Variants in NCOA2 observed in about 807,000 individuals in gnomAD.
NCOA2 encodes class E basic helix-loop-helix protein 75.
NCOA2 carries 21 observed loss-of-function variants against 145.1 expected under a neutral mutation model. The ratio of observed to expected loss-of-function variants is 0.14; its 90% CI spans 0.10 to 0.21. The LOEUF (loss-of-function observed/expected upper bound fraction) is 0.21, where lower values mean the gene tolerates loss of function less well. Among genes scored for constraint, NCOA2 ranks in the 10% least tolerant of loss-of-function variants. The pLI is 1.00. For missense variants in NCOA2, 1,472 were observed against 1,837.6 expected (o/e 0.80, Z 3.64); for synonymous variants, 619 against 637.5 (o/e 0.97, Z 0.44).
At position 70,401,009 on chromosome 8, in the gene NCOA2, C is replaced by T. The variant is rs143450846; in HGVS notation, c.-77+2691G>A. ...CTAACACTTTTCATTCTTTGAGCTC[C>T]CAAAGATTCTACAAATTCCAGGTGA... On this transcript the variant is annotated intron_variant, in intron 1 of 22. Transcript: ENST00000452400. Among the ~76,000 whole-genome samples the T allele has an allele frequency of 6.0e-3, 913 of 152,142 alleles. 8 individuals carry two copies. The highest frequency in any genetic ancestry group is 0.021 in the African/African-American group (871 of 41,508).
At chr8:70,379,795 A>G (rs936313244) in intron 1 of NCOA2, among the ~76,000 whole-genome samples, 9 of 150,264 alleles carry the variant, frequency 6.0e-5, no homozygotes, top group Non-Finnish European at 1.0e-4. Flanking sequence ...TATCCTATAC[A>G]TAAAATTTAG....
chr8:70,440,729 AG>A, the NCOA2 span, among the ~76,000 whole-genome samples: 1,427 of 151,694 alleles, frequency 9.4e-3, 15 homozygotes, highest in African/African-American at 0.032. Flanking sequence ...AAAGAGGGAG[AG>A]AGAGAAAGAA....
intron 1 of NCOA2, among the ~76,000 whole-genome samples, chr8:70,318,555 A>G (rs1049259244): frequency 3.9e-5 from 6 of 152,104 alleles, no homozygotes; most frequent in African/African-American, 1.4e-4. Flanking sequence ...ACTTAAGCCC[A>G]GGAGTTTGAG....
chr8:70,180,080 C>T (rs528368195), intron 4 of NCOA2, among the ~76,000 whole-genome samples: 1 of 152,274 alleles, frequency 6.6e-6, no homozygotes, highest in South Asian at 2.1e-4. Flanking sequence ...CATGCCCAAT[C>T]CCCACAGTTT....
At chr8:70,283,359 T>C (rs959776766) in intron 2 of NCOA2, among the ~76,000 whole-genome samples, 3 of 152,218 alleles carry the variant, frequency 2.0e-5, no homozygotes, top group African/African-American at 4.8e-5. Context: ...AAAATGGTCA[T>C]TGATGAGTTT....
chr8:70,150,570 G>C (rs1305815921), intron 11 of NCOA2, among the ~76,000 whole-genome samples: 1 of 152,094 alleles, frequency 6.6e-6, no homozygotes, highest in African/African-American at 2.4e-5. Context: ...GTTCAATGGT[G>C]GGCAAAACTG....
chr8:70,211,647 C>A (rs2133836974), intron 4 of NCOA2, among the ~76,000 whole-genome samples: 1 of 152,070 alleles, frequency 6.6e-6, no homozygotes. Context: ...AGATAATTTG[C>A]CCAGGTTCAA....
At chr8:70,361,778 C>T (rs747819282) in intron 1 of NCOA2, among the ~76,000 whole-genome samples, 1 of 152,174 alleles carries the variant, frequency 6.6e-6, no homozygotes, top group African/African-American at 2.4e-5. Context: ...ATACTTACGA[C>T]GCTCAATCAT....
chr8:70,227,529 T>C (rs761376679), intron 2 of NCOA2, among the ~76,000 whole-genome samples: 1 of 152,174 alleles, frequency 6.6e-6, no homozygotes, highest in Non-Finnish European at 1.5e-5. Context: ...AGGAAAAATC[T>C]AGTTTGGGGG....
At chr8:70,133,588 T>C (rs1436118277) in intron 15 of NCOA2, among the ~76,000 whole-genome samples, 1 of 152,204 alleles carries the variant, frequency 6.6e-6, no homozygotes, top group African/African-American at 2.4e-5. Flanking sequence ...ATGGTATTTG[T>C]ACTTTACCAA....
At chr8:70,342,280 G>A (rs1405980230) in intron 1 of NCOA2, among the ~76,000 whole-genome samples, 1 of 151,970 alleles carries the variant, frequency 6.6e-6, no homozygotes, top group African/African-American at 2.4e-5. Flanking sequence ...AAATTAAACA[G>A]GAAGCAAAAC....
chr8:70,259,188 T>C (rs145138126), intron 2 of NCOA2, among the ~76,000 whole-genome samples: 11 of 152,348 alleles, frequency 7.2e-5, no homozygotes, highest in African/African-American at 2.6e-4. Flanking sequence ...CTTTCTTAAG[T>C]GCTTCATACA....
At chr8:70,405,456 T>G (rs1172585595), upstream of NCOA2, among the ~76,000 whole-genome samples, 2 of 133,912 alleles carry the variant, frequency 1.5e-5, no homozygotes, top group Admixed American at 1.5e-4. Context: ...TTTTTTTTTT[T>G]TTTTTTTTTT....
chr8:70,304,658 G>GT (rs941035676), intron 1 of NCOA2, among the ~76,000 whole-genome samples: 4 of 150,728 alleles, frequency 2.7e-5, no homozygotes, highest in Non-Finnish European at 4.4e-5. Context: ...GTTTTGTTTT[G>GT]TTTTTTTGTT....
chr8:70,442,150 A>AGAAAGAAAGAAAGAAAGAAAGAAAGAAG, the NCOA2 span, among the ~76,000 whole-genome samples: 1 of 143,866 alleles, frequency 7.0e-6, no homozygotes, highest in Non-Finnish European at 1.5e-5. Flanking sequence ...AAAGAAAGAA[A>AGAAAGAAAGAAAGAAAGAAAGAAAGAAG]GAAAGAAAGA....
intron 9 of NCOA2, among the ~76,000 whole-genome samples, chr8:70,161,378 G>C (rs557148275): frequency 6.6e-6 from 1 of 152,134 alleles, no homozygotes; most frequent in African/African-American, 2.4e-5. Flanking sequence ...TGAAATAGTA[G>C]GTTAAATATT....
intron 1 of NCOA2, among the ~76,000 whole-genome samples, chr8:70,362,306 C>T (rs894826903): frequency 2.6e-5 from 4 of 152,064 alleles, no homozygotes; most frequent in Admixed American, 2.0e-4. Flanking sequence ...CTTTTTAAAA[C>T]CTTTTTTCAT....
At chr8:70,295,628 A>C (rs1827032754) in intron 2 of NCOA2, among the ~76,000 whole-genome samples, 1 of 152,180 alleles carries the variant, frequency 6.6e-6, no homozygotes, top group African/African-American at 2.4e-5. Flanking sequence ...TCACGGTATA[A>C]ATTAATTTCA....
chr8:70,366,081 CT>C (rs1563810289), intron 1 of NCOA2, among the ~76,000 whole-genome samples: 1 of 152,212 alleles, frequency 6.6e-6, no homozygotes, highest in East Asian at 1.9e-4. Flanking sequence ...ATGTGCTTCT[CT>C]TACCAGCATT....
Sources: gnomAD v4.1 joint callset for allele counts (sites outside exome capture counted in the v4.1 genomes callset) on GRCh38, gnomAD v4.1.1 for gene constraint, MANE v1.5 for transcripts, NCBI Gene and HGNC (gene_info 2026-07-23, HGNC 2026-07-21) for gene names.